GUCY1A2: variants seen among roughly 807,000 people sequenced by gnomAD.
The protein encoded by GUCY1A2 is guanylate cyclase soluble subunit alpha-2.
GUCY1A2 carries 27 observed loss-of-function variants against 63.5 expected under a neutral mutation model. The observed-to-expected ratio is 0.43, with a 90% CI of 0.31 to 0.59. The LOEUF is 0.59. GUCY1A2 is among the 20% of genes least tolerant of loss of function. The pLI, the probability that GUCY1A2 is intolerant of heterozygous loss-of-function variation, is 0.11. For missense variants in GUCY1A2, 768 were observed against 913.3 expected (o/e 0.84, Z 2.05); for synonymous variants, 364 against 343.5 (o/e 1.06, Z -0.66).
In GUCY1A2 at chr11:106,809,980, TA is replaced by T; in HGVS notation, c.1692+12del. ...TAAAAAACATTTATATGTAAGTAAC[TA>T]AACTCCCTTACCTTATAAATATCCA... On this transcript the variant is annotated intron_variant, in intron 5 of 7. Transcript: ENST00000526355. 6.5e-7 allele frequency: 1 copy of T among 1,528,512 alleles called. No individual in the cohort carries two copies. Among genetic ancestry groups the T allele is most frequent in the Non-Finnish European group, 8.9e-7 (1 of 1,120,780 alleles). 94.7% of individuals were successfully genotyped at this position (1,528,512 alleles called of 1,614,324 possible). A position where few individuals can be genotyped will look rare whatever the true frequency, so the allele number is the denominator to read the frequency against.
intron 4 of GUCY1A2, among the ~76,000 whole-genome samples, chr11:106,927,798 TCCTGACCTGGTGATCCA>T (rs933045846): frequency 6.6e-6 from 1 of 151,418 alleles, no homozygotes; most frequent in Non-Finnish European, 1.5e-5. Context: ...GGTCTTGATC[TCCTGACCTGGTGATCCA>T]CCTGCCTCAG....
At chr11:107,006,277 C>G (rs186312170) in intron 1 of GUCY1A2, among the ~76,000 whole-genome samples, 1 of 152,204 alleles carries the variant, frequency 6.6e-6, no homozygotes, top group Non-Finnish European at 1.5e-5. Flanking sequence ...AACACAATGT[C>G]TTCCATTCAC....
intron 5 of GUCY1A2, among the ~76,000 whole-genome samples, chr11:106,778,415 C>T (rs1250069436): frequency 2.0e-5 from 3 of 152,176 alleles, no homozygotes; most frequent in South Asian, 2.1e-4. Flanking sequence ...TCCCTGGCTA[C>T]GATGTGAGCT....
At chr11:106,712,814 G>C (rs1245871241) in intron 6 of GUCY1A2, among the ~76,000 whole-genome samples, 1 of 152,122 alleles carries the variant, frequency 6.6e-6, no homozygotes, top group East Asian at 1.9e-4. Flanking sequence ...ATGGAAACAG[G>C]CATTGTTTTC....
chr11:107,013,402 C>T (rs1444347354), intron 1 of GUCY1A2, among the ~76,000 whole-genome samples: 2 of 152,162 alleles, frequency 1.3e-5, no homozygotes, highest in Non-Finnish European at 2.9e-5. Flanking sequence ...GAATAAAATC[C>T]AAATAAATAA....
At position 106,684,946 on chromosome 11, in the gene GUCY1A2, T is replaced by C; in HGVS notation, c.*2603A>G. ...TGGCATTGTGTAGGACAAATAAAAATATAATTTTTTCTCCATCTTCTAACT... is the reference window on the plus strand; with the variant it reads ...TGGCATTGTGTAGGACAAATAAAAACATAATTTTTTCTCCATCTTCTAACT... On this transcript the variant is annotated 3_prime_UTR_variant, in exon 8 of 8. Coordinates refer to ENST00000526355, the MANE Select transcript of GUCY1A2 (RefSeq NM_000855.3). 1 of 203,004 alleles carries C rather than the reference T, an allele frequency of 4.9e-6. No homozygotes were observed. The highest frequency in any genetic ancestry group is 1.0e-5 in the Non-Finnish European group (1 of 98,840). 12.6% of individuals were successfully genotyped at this position (203,004 alleles called of 1,614,324 possible).
intron 5 of GUCY1A2, among the ~76,000 whole-genome samples, chr11:106,805,172 A>C (rs1045896970): frequency 6.6e-6 from 1 of 151,988 alleles, no homozygotes; most frequent in Admixed American, 6.6e-5. Flanking sequence ...ACATTTGCAA[A>C]CCACACTTAG....
intron 6 of GUCY1A2, among the ~76,000 whole-genome samples, chr11:106,751,276 A>C (rs768178166): frequency 1.3e-5 from 2 of 152,154 alleles, no homozygotes; most frequent in African/African-American, 2.4e-5. Flanking sequence ...TAAAATGTAC[A>C]CATATGAGAA....
intron 4 of GUCY1A2, among the ~76,000 whole-genome samples, chr11:106,925,544 A>G (rs2119920979): frequency 6.6e-6 from 1 of 152,364 alleles, no homozygotes; most frequent in African/African-American, 2.4e-5. Context: ...AAATACTTAG[A>G]TGATCATTTT....
intron 4 of GUCY1A2, among the ~76,000 whole-genome samples, chr11:106,885,977 A>G (rs1859895653): frequency 6.6e-6 from 1 of 152,148 alleles, no homozygotes; most frequent in South Asian, 2.1e-4. Context: ...AGAAAGAGAA[A>G]AAGAGAGAGA....
chr11:106,674,977 A>C lies in GUCY1A2; in HGVS notation c.*12572T>G, dbSNP rs1484447309. On this transcript the variant is annotated 3_prime_UTR_variant, in exon 8 of 8. Transcript: ENST00000526355. The stretch of plus-strand genomic sequence containing the variant: ...ATTGGCTGTTTATTTTATGCATTGA[A>C]GTGAGTATTAATAGGATTATTACTA... 3 of 214,244 alleles carry C rather than the reference A, an allele frequency of 1.4e-5. No homozygotes were observed. The highest frequency in any genetic ancestry group is 2.8e-5 in the Non-Finnish European group (3 of 106,066). The allele number at this position is 214,244 out of a possible 1,614,324, so 13.3% of individuals were successfully genotyped here. A position where few individuals can be genotyped will look rare whatever the true frequency, so the allele number is the denominator to read the frequency against.
rs1862474941 is a variant in GUCY1A2, at chr11:106,683,850, T to TCTAAA, written c.*3698_*3699insTTTAG. 4.8e-6 allele frequency: 1 copy of TCTAAA among 207,874 alleles called. No homozygotes were observed. The allele number at this position is 207,874 out of a possible 1,614,324, so 12.9% of individuals were successfully genotyped here. A position where few individuals can be genotyped will look rare whatever the true frequency, so the allele number is the denominator to read the frequency against. On this transcript the variant is annotated 3_prime_UTR_variant, in exon 8 of 8. Transcript: ENST00000526355. ...GTCATAATTTTGAGCTCCTACCTGA[T>TCTAAA]GCCTTACGACTTTAGATACACAATT...
rs1331842777 is a variant in GUCY1A2, at chr11:106,679,195, T to C, written c.*8354A>G. On this transcript the variant is annotated 3_prime_UTR_variant, in exon 8 of 8. Coordinates refer to ENST00000526355, the MANE Select transcript of GUCY1A2 (RefSeq NM_000855.3). ...TTTAAAGTTTCTGTTCTAAACAAAC[T>C]CTATATGAATTAACCAGTTACATGT... The C allele has an allele frequency of 1.1e-5, 2 of 186,664 alleles. No homozygotes were observed. 11.6% of individuals were successfully genotyped at this position (186,664 alleles called of 1,614,324 possible). A position where few individuals can be genotyped will look rare whatever the true frequency, so the allele number is the denominator to read the frequency against.
chr11:106,901,683 G>A (rs934855204), intron 4 of GUCY1A2, among the ~76,000 whole-genome samples: 2 of 133,484 alleles, frequency 1.5e-5, no homozygotes, highest in Non-Finnish European at 3.0e-5. Flanking sequence ...TCCCCTTCCT[G>A]TGTCCAAGTG....
chr11:106,926,599 T>C (rs1392846133), intron 4 of GUCY1A2, among the ~76,000 whole-genome samples: 2 of 152,044 alleles, frequency 1.3e-5, no homozygotes, highest in Non-Finnish European at 2.9e-5. Context: ...AAGGGAAACA[T>C]AGCAGATAGA....
At chr11:107,011,300 C>T (rs1861740757) in intron 1 of GUCY1A2, among the ~76,000 whole-genome samples, 4 of 151,630 alleles carry the variant, frequency 2.6e-5, no homozygotes, top group Admixed American at 1.3e-4. Flanking sequence ...CATTTATTTT[C>T]CTATCATATT....
At chr11:106,723,506 T>A (rs1333536853) in intron 6 of GUCY1A2, among the ~76,000 whole-genome samples, 1 of 152,216 alleles carries the variant, frequency 6.6e-6, no homozygotes, top group Non-Finnish European at 1.5e-5. Context: ...AGAACCTTCC[T>A]GGTACACAGC....
At chr11:106,852,718 T>C (rs1177436060) in intron 4 of GUCY1A2, among the ~76,000 whole-genome samples, 1 of 152,154 alleles carries the variant, frequency 6.6e-6, no homozygotes, top group African/African-American at 2.4e-5. Flanking sequence ...CTAGATTTTG[T>C]TGAGGAGTTT....
chr11:106,869,913 A>T (rs1195511744), intron 4 of GUCY1A2, among the ~76,000 whole-genome samples: 1 of 152,170 alleles, frequency 6.6e-6, no homozygotes. Context: ...ACACCATGGA[A>T]TACTATGCAG....
Sources: gnomAD v4.1 joint callset for allele counts (sites outside exome capture counted in the v4.1 genomes callset) on GRCh38, gnomAD v4.1.1 for gene constraint, MANE v1.5 for transcripts, NCBI Gene and HGNC (gene_info 2026-07-23, HGNC 2026-07-21) for gene names.